Variants in FAM13B observed in about 807,000 individuals in gnomAD.
FAM13B encodes the protein family with sequence similarity 13 member B.
Under a neutral mutation model 117.3 loss-of-function variants are expected in FAM13B, and 60 were observed. The ratio of observed to expected loss-of-function variants is 0.51; its 90% CI spans 0.42 to 0.63. The LOEUF (loss-of-function observed/expected upper bound fraction) is 0.63, where lower values mean the gene tolerates loss of function less well. FAM13B is among the 30% of genes least tolerant of loss of function. The probability of loss-of-function intolerance (pLI) is 0.00; values close to 1 mark genes in which losing one functional copy is unlikely to be tolerated. For synonymous variants in FAM13B, 332 were observed against 356.1 expected (o/e 0.93, Z 0.76); for missense variants, 972 against 1,091.9 (o/e 0.89, Z 1.55).
chr5:138,029,115 G>T (rs992145723), intron 1 of FAM13B, among the ~76,000 whole-genome samples: 6 of 152,182 alleles, frequency 3.9e-5, no homozygotes, highest in African/African-American at 1.4e-4. Flanking sequence ...ACCATTTCCA[G>T]TGTACTTTCC....
intron 7 of FAM13B, among the ~76,000 whole-genome samples, chr5:138,006,369 G>A (rs1366306662): frequency 1.3e-5 from 2 of 152,312 alleles, no homozygotes; most frequent in African/African-American, 4.8e-5. Context: ...TGGGGAGTAT[G>A]ACAATGTAAA....
At chr5:137,956,777 T>C (rs1212605856) in intron 13 of FAM13B, among the ~76,000 whole-genome samples, 2 of 150,880 alleles carry the variant, frequency 1.3e-5, no homozygotes, top group Admixed American at 1.3e-4. Context: ...AAACTCAAAG[T>C]CGTGCTATTT....
intron 1 of FAM13B, among the ~76,000 whole-genome samples, chr5:138,031,041 AC>A (rs1218121744): frequency 6.6e-6 from 1 of 152,112 alleles, no homozygotes. Context: ...AAAAAAAAAA[AC>A]AAAACAGTAA....
intron 10 of FAM13B, among the ~76,000 whole-genome samples, chr5:137,967,269 T>C (rs909485266): frequency 3.3e-5 from 5 of 152,206 alleles, no homozygotes; most frequent in African/African-American, 1.2e-4. Flanking sequence ...CTTATGCCTG[T>C]AATCCCAGCC....
intron 10 of FAM13B, among the ~76,000 whole-genome samples, chr5:137,972,663 T>A (rs1581137209): frequency 1.3e-5 from 2 of 152,132 alleles, no homozygotes; most frequent in African/African-American, 4.8e-5. Context: ...AAAGAGGAAG[T>A]CAAATTGTCC....
In FAM13B at chr5:137,958,050, T is replaced by C. The variant is rs571236586; in HGVS notation, c.1442-1508A>G. Among the ~76,000 whole-genome samples, 9 of 152,340 alleles carry C rather than the reference T, an allele frequency of 5.9e-5. No homozygotes were observed. The South Asian group carries it at 1.2e-3, about 21-fold the overall frequency. On this transcript the variant is annotated intron_variant, in intron 13 of 23. Transcript: ENST00000689681. ...AGAACTATTTATCTGCATCTTCTAA[T>C]AGGAAGAAACAAAAGTGCTTTATCA...
intron 1 of FAM13B, among the ~76,000 whole-genome samples, chr5:138,048,731 T>G (rs1791709554): frequency 6.6e-6 from 1 of 152,174 alleles, no homozygotes. Flanking sequence ...TATATAGGGT[T>G]TGTTTTTCAT....
chr5:138,044,422 C>T (rs928742870), intron 1 of FAM13B, among the ~76,000 whole-genome samples: 4 of 151,834 alleles, frequency 2.6e-5, no homozygotes, highest in Non-Finnish European at 4.4e-5. Flanking sequence ...CATGGTGGCA[C>T]ACGCCTGTAA....
chr5:137,988,736 A>C (rs1451555312), intron 7 of FAM13B, among the ~76,000 whole-genome samples: 3 of 152,238 alleles, frequency 2.0e-5, no homozygotes, highest in Admixed American at 1.3e-4. Flanking sequence ...CCTGCTATTA[A>C]CAAAGATGCT....
rs185381630 is a variant in FAM13B at position 137,997,482 on chromosome 5, T to C, written c.849-9167A>G. 5.2e-4 allele frequency among the ~76,000 whole-genome samples: 78 copies of C among 150,136 alleles called. No individual in the cohort carries two copies. In the East Asian group the frequency reaches 9.7e-3, roughly 19 times the overall value. ...GAAACTCCATCTCAAAAAATATATA[T>C]ATATATAATATATATAAAGCTAAAT... On this transcript the variant is annotated intron_variant, in intron 7 of 23. Transcript: ENST00000689681.
chr5:137,994,025 G>A (rs1445133104), intron 7 of FAM13B, among the ~76,000 whole-genome samples: 3 of 152,158 alleles, frequency 2.0e-5, no homozygotes. Context: ...GAGACAAAAA[G>A]AGGCAAAAGT....
intron 1 of FAM13B, among the ~76,000 whole-genome samples, chr5:138,021,633 T>C (rs1162669877): frequency 6.6e-6 from 1 of 152,234 alleles, no homozygotes; most frequent in African/African-American, 2.4e-5. Flanking sequence ...CTTTCTTCTT[T>C]TTTTTGTATA....
chr5:138,002,235 T>C (rs1043323122), intron 7 of FAM13B, among the ~76,000 whole-genome samples: 1 of 152,150 alleles, frequency 6.6e-6, no homozygotes, highest in Non-Finnish European at 1.5e-5. Context: ...AGAAATAATA[T>C]ACTTCAATGG....
At position 138,010,954 on chromosome 5, in the gene FAM13B, TC is replaced by T. The variant is rs1783827455; in HGVS notation, c.690+53del. On this transcript the variant is annotated intron_variant, in intron 6 of 23. Transcript: ENST00000689681. ...TGGCAAGTCTTTAAGAGCATATTAT[TC>T]TTAAAAAAAAAAAAAAAAAAAAAAA... 7.0e-6 allele frequency: 8 copies of T among 1,145,422 alleles called. No individual in the cohort carries two copies. In the African/African-American group the frequency reaches 1.6e-4, roughly 23 times the overall value. The allele number at this position is 1,145,422 out of a possible 1,614,324, so 71.0% of individuals were successfully genotyped here.
Position 138,042,115 on chromosome 5 carries a change from A to G in FAM13B, c.-203+9763T>C, listed in dbSNP as rs1581330597. 2.0e-5 allele frequency among the ~76,000 whole-genome samples: 3 copies of G among 152,326 alleles called. No homozygotes were observed. In the East Asian group the frequency reaches 5.8e-4, roughly 29 times the overall value. On this transcript the variant is annotated intron_variant, in intron 1 of 3. Coordinates refer to the FAM13B transcript ENST00000502471. The stretch of plus-strand genomic sequence containing the variant: ...AAAATGGAAACTCAAGCTCAGGTAG[A>G]TAGCAATGATAGAATGATGAATGAT...
intron 5 of FAM13B, 69 bp downstream of exon 5, chr5:138,011,699 T>C (rs1202695983): frequency 2.6e-6 from 3 of 1,141,842 alleles, no homozygotes; most frequent in Non-Finnish European, 2.5e-6. Flanking sequence ...ATTACAGGCA[T>C]GAGCCACCGT....
rs201567292 is a variant in FAM13B, at chr5:137,940,241, G to A, written c.2798C>T (p.Ser933Phe). Residue 933 changes from serine (S) to phenylalanine (F), a missense_variant, in exon 24 of 24, where the codon TCT (serine) becomes TTT (phenylalanine). By Grantham distance (155) the Ser-to-Phe change is radical. Coordinates refer to ENST00000689681, the MANE Select transcript of FAM13B (RefSeq NM_001385994.1). ...GAACGTATCTTATATGGATTTTGAA[G>A]AATCTTGTTTGCTTATAAGAACTTC... ...LLEVLISKQDSSKSI is the reference protein window; with the variant it reads ...LLEVLISKQDFSKSI 1.2e-6 allele frequency: 2 copies of A among 1,613,894 alleles called. No individual in the cohort carries two copies. Among genetic ancestry groups the A allele is most frequent in the South Asian group, 1.1e-5 (1 of 91,058 alleles).
intron 1 of FAM13B, among the ~76,000 whole-genome samples, chr5:138,050,367 G>A (rs576977906): frequency 2.0e-5 from 3 of 152,156 alleles, no homozygotes; most frequent in Non-Finnish European, 4.4e-5. Flanking sequence ...AACCCGGGAG[G>A]CGGAGGTTGC....
At chr5:138,047,773 A>G (rs989146322) in intron 1 of FAM13B, among the ~76,000 whole-genome samples, 2 of 152,214 alleles carry the variant, frequency 1.3e-5, no homozygotes, top group Non-Finnish European at 2.9e-5. Context: ...AATGGAGGCC[A>G]TGAACCAGGG....
Sources: gnomAD v4.1 joint callset for allele counts (sites outside exome capture counted in the v4.1 genomes callset) on GRCh38, gnomAD v4.1.1 for gene constraint, MANE v1.5 for transcripts, NCBI Gene and HGNC (gene_info 2026-07-23, HGNC 2026-07-21) for gene names.